PACRG: variants seen among roughly 807,000 people sequenced by gnomAD.
PACRG encodes the protein parkin coregulated gene protein.
Under a neutral mutation model 29.7 loss-of-function variants are expected in PACRG, and 29 were observed. The observed-to-expected ratio is 0.98, with a 90% CI of 0.73 to 1.33. The LOEUF is 1.33. Among genes scored for constraint, PACRG ranks in the 40% most tolerant of loss-of-function variants. The pLI is 0.00. For synonymous variants in PACRG, 116 were observed against 118.7 expected (o/e 0.98, Z 0.15); for missense variants, 279 against 316.2 (o/e 0.88, Z 0.89).
chr6:163,212,742 A>G, intron 4 of PACRG, among the ~76,000 whole-genome samples: 1 of 122,842 alleles, frequency 8.1e-6, no homozygotes, highest in East Asian at 3.5e-4. Context: ...CACATTAATT[A>G]TAAAGGGAAG....
intron 2 of PACRG, among the ~76,000 whole-genome samples, chr6:162,914,503 T>TTTTTC (rs1796551321): frequency 1.1e-5 from 1 of 90,394 alleles, no homozygotes; most frequent in Admixed American, 1.3e-4. Context: ...GTTTTGTACT[T>TTTTTC]TTTTGTTTTT....
At chr6:162,822,473 G>A (rs1170434241) in intron 2 of PACRG, among the ~76,000 whole-genome samples, 1 of 152,192 alleles carries the variant, frequency 6.6e-6, no homozygotes, top group East Asian at 1.9e-4. Flanking sequence ...GAAATGGACA[G>A]AGTTGACAGA....
intron 4 of PACRG, among the ~76,000 whole-genome samples, chr6:163,249,015 CAAAA>C (rs57866351): frequency 0.25 from 27,227 of 106,916 alleles, 2,194 homozygotes; most frequent in Admixed American, 0.33. Context: ...GACTCTGTCT[CAAAA>C]AAAAAAAAAA....
intron 4 of PACRG, among the ~76,000 whole-genome samples, chr6:163,097,777 A>G (rs552595451): frequency 1.9e-4 from 29 of 152,256 alleles, no homozygotes; most frequent in South Asian, 1.7e-3. Context: ...CAGGGTCAAG[A>G]TAAGGGGCTG....
chr6:163,150,269 T>C (rs1454498743), intron 4 of PACRG, among the ~76,000 whole-genome samples: 2 of 152,172 alleles, frequency 1.3e-5, no homozygotes, highest in Non-Finnish European at 2.9e-5. Context: ...TACGTTATCA[T>C]AAATCATGCC....
At chr6:162,881,005 AC>A (rs1161407985) in intron 2 of PACRG, among the ~76,000 whole-genome samples, 2 of 152,216 alleles carry the variant, frequency 1.3e-5, no homozygotes, top group Non-Finnish European at 1.5e-5. Flanking sequence ...ACAGATCGTC[AC>A]GATCTTCTGT....
intron 4 of PACRG, among the ~76,000 whole-genome samples, chr6:163,145,687 C>A (rs1324713214): frequency 6.6e-6 from 1 of 152,206 alleles, no homozygotes; most frequent in Non-Finnish European, 1.5e-5. Flanking sequence ...AGCGTCAGTA[C>A]CTGGAGCGGT....
At chr6:162,971,767 G>A (rs1233508729) in intron 2 of PACRG, among the ~76,000 whole-genome samples, 2 of 152,180 alleles carry the variant, frequency 1.3e-5, no homozygotes, top group East Asian at 1.9e-4. Context: ...GATGGGGGAA[G>A]CACAAGGATC....
intron 2 of PACRG, among the ~76,000 whole-genome samples, chr6:162,883,384 A>G (rs879381536): frequency 2.6e-5 from 4 of 152,220 alleles, no homozygotes; most frequent in Admixed American, 2.6e-4. Flanking sequence ...ATAATTACAA[A>G]GACATATTTG....
At chr6:162,727,535 G>A, upstream of PACRG, 3 of 1,086,062 alleles carry the variant, frequency 2.8e-6, no homozygotes, top group Non-Finnish European at 4.0e-6. Flanking sequence ...GCCGGGGACG[G>A]CACGGGCACT....
chr6:162,783,892 A>C (rs2128316538), intron 1 of PACRG, among the ~76,000 whole-genome samples: 1 of 152,248 alleles, frequency 6.6e-6, no homozygotes, highest in South Asian at 2.1e-4. Flanking sequence ...ACTGGTTAAC[A>C]GAAAACTTCA....
chr6:163,077,746 T>G (rs1395340873), intron 3 of PACRG, among the ~76,000 whole-genome samples: 1 of 152,200 alleles, frequency 6.6e-6, no homozygotes, highest in African/African-American at 2.4e-5. Context: ...AAAAGAGGTG[T>G]CTGACTTAGG....
intron 2 of PACRG, among the ~76,000 whole-genome samples, chr6:162,900,935 C>G (rs1332937248): frequency 6.6e-6 from 1 of 152,128 alleles, no homozygotes. Context: ...ACTCTATCTC[C>G]CTGACTAGAA....
intron 4 of PACRG, among the ~76,000 whole-genome samples, chr6:163,162,196 C>T (rs1003651439): frequency 2.6e-5 from 4 of 152,130 alleles, no homozygotes; most frequent in East Asian, 1.9e-4. Flanking sequence ...AGCCAGGTCT[C>T]GGCAGGTGCT....
intron 4 of PACRG, among the ~76,000 whole-genome samples, chr6:163,301,998 T>A (rs1038649576): frequency 3.9e-5 from 6 of 152,240 alleles, no homozygotes; most frequent in Non-Finnish European, 8.8e-5. Flanking sequence ...CTTAATGTCC[T>A]GATTCAGGGG....
chr6:163,102,240 T>C (rs1321040133), intron 4 of PACRG, among the ~76,000 whole-genome samples: 1 of 152,228 alleles, frequency 6.6e-6, no homozygotes, highest in Non-Finnish European at 1.5e-5. Context: ...TACTCCTCTC[T>C]TTAATAACCT....
At chr6:162,954,965 A>C (rs1799909989) in intron 2 of PACRG, among the ~76,000 whole-genome samples, 1 of 152,232 alleles carries the variant, frequency 6.6e-6, no homozygotes. Flanking sequence ...CCATCGTGAC[A>C]AACCAGTTGC....
chr6:163,274,861 C>CTTTCTTTTTTT (rs1554238854), intron 4 of PACRG, among the ~76,000 whole-genome samples: 4 of 126,326 alleles, frequency 3.2e-5, no homozygotes, highest in African/African-American at 9.0e-5. Flanking sequence ...TTCTTTCTTT[C>CTTTCTTTTTTT]TTTTTTTTTT....
chr6:162,772,195 T>A (rs1036190600), intron 1 of PACRG, among the ~76,000 whole-genome samples: 2 of 152,230 alleles, frequency 1.3e-5, no homozygotes, highest in Non-Finnish European at 2.9e-5. Context: ...TCCAAAGGAT[T>A]TGTTTCCAGT....
Sources: gnomAD v4.1 joint callset for allele counts (sites outside exome capture counted in the v4.1 genomes callset) on GRCh38, gnomAD v4.1.1 for gene constraint, MANE v1.5 for transcripts, NCBI Gene and HGNC (gene_info 2026-07-23, HGNC 2026-07-21) for gene names.